The following FGF14 variants were observed in gnomAD, a reference collection of about 807,000 sequenced individuals.
FGF14 encodes fibroblast growth factor 14, also known as fibroblast growth factor homologous factor 4.
FGF14 carries 5 observed loss-of-function variants against 25.5 expected under a neutral mutation model. The ratio of observed to expected loss-of-function variants is 0.20; its 90% CI spans 0.10 to 0.41. FGF14 has a LOEUF of 0.41. Ranked by LOEUF, FGF14 falls within the 10% of genes least tolerant of loss-of-function variation. The pLI is 1.00. For synonymous variants in FGF14, 138 were observed against 118.3 expected (o/e 1.17, Z -1.08); for missense variants, 222 against 320.1 (o/e 0.69, Z 2.34).
chr13:102,264,086 G>A (rs2052858942), intron 1 of FGF14, among the ~76,000 whole-genome samples: 1 of 151,520 alleles, frequency 6.6e-6, no homozygotes, highest in Non-Finnish European at 1.5e-5. Flanking sequence ...TACTTCTGAG[G>A]TATAATAAAT....
chr13:101,850,398 G>A (rs2043707008), intron 3 of FGF14, among the ~76,000 whole-genome samples: 1 of 140,038 alleles, frequency 7.1e-6, no homozygotes, highest in Non-Finnish European at 1.5e-5. Context: ...AGGTTGCAGT[G>A]AGCTGAGATC....
intron 1 of FGF14, chr13:102,395,371 C>G (rs915269018): frequency 3.3e-5 from 5 of 152,134 alleles, no homozygotes; most frequent in Admixed American, 3.3e-4. Flanking sequence ...ATGGGGAGAA[C>G]GCCATGAGCT....
At chr13:101,853,512 G>A (rs2043964084) in intron 3 of FGF14, among the ~76,000 whole-genome samples, 1 of 151,988 alleles carries the variant, frequency 6.6e-6, no homozygotes, top group African/African-American at 2.4e-5. Context: ...GGGTGCAGTG[G>A]CATGATCATG....
intron 1 of FGF14, among the ~76,000 whole-genome samples, chr13:102,029,774 C>A: frequency 6.6e-6 from 1 of 152,106 alleles, no homozygotes; most frequent in East Asian, 1.9e-4. Context: ...GGAAACAGAA[C>A]TGATGTTTTC....
At chr13:102,285,777 A>G (rs549074725) in intron 1 of FGF14, among the ~76,000 whole-genome samples, 1 of 152,330 alleles carries the variant, frequency 6.6e-6, no homozygotes, top group East Asian at 1.9e-4. Flanking sequence ...TATTATTTTT[A>G]TTCCCATTTT....
chr13:102,128,874 G>C (rs1440742865), intron 1 of FGF14, among the ~76,000 whole-genome samples: 1 of 152,148 alleles, frequency 6.6e-6, no homozygotes, highest in Non-Finnish European at 1.5e-5. Context: ...CTTGAGGTCA[G>C]GAGTTCGAGA....
intron 1 of FGF14, among the ~76,000 whole-genome samples, chr13:102,175,093 A>T (rs2048392533): frequency 6.6e-6 from 1 of 152,194 alleles, no homozygotes; most frequent in South Asian, 2.1e-4. Flanking sequence ...TAGAAAAACA[A>T]TTCTAAAATT....
intron 1 of FGF14, among the ~76,000 whole-genome samples, chr13:102,092,666 G>T (rs1285574171): frequency 6.6e-6 from 1 of 152,088 alleles, no homozygotes; most frequent in Non-Finnish European, 1.5e-5. Flanking sequence ...TAACATGAAA[G>T]AAATAAAACT....
At position 101,765,718 on chromosome 13, in the gene FGF14, T is replaced by A. The variant is rs1454293789; in HGVS notation, c.409-38908A>T. On this transcript the variant is annotated intron_variant, in intron 3 of 4. Coordinates refer to ENST00000376143, the MANE Select transcript of FGF14 (RefSeq NM_004115.4). ...CTTTTATTTATTATTATTATTATTA[T>A]TTTATTTATTTATTTATTTATTTAT... Among the ~76,000 whole-genome samples, 4 of 143,320 alleles carry A rather than the reference T, an allele frequency of 2.8e-5. No individual in the cohort carries two copies. The East Asian group carries it at 8.8e-4, about 31-fold the overall frequency. 94.0% of individuals were successfully genotyped at this position (143,320 alleles called of 152,430 possible). A position where few individuals can be genotyped will look rare whatever the true frequency, so the allele number is the denominator to read the frequency against.
At chr13:101,949,450 C>A (rs1407782) in intron 1 of FGF14, among the ~76,000 whole-genome samples, 1 of 152,042 alleles carries the variant, frequency 6.6e-6, no homozygotes, top group Non-Finnish European at 1.5e-5. Context: ...AGGGGCTGAA[C>A]GAGTGGTTCT....
intron 1 of FGF14, among the ~76,000 whole-genome samples, chr13:102,005,780 T>C (rs1236564135): frequency 6.6e-6 from 1 of 152,200 alleles, no homozygotes; most frequent in Non-Finnish European, 1.5e-5. Flanking sequence ...CCTGATATAA[T>C]TTGTAATCTG....
At chr13:102,375,489 T>C (rs1310691289) in intron 1 of FGF14, among the ~76,000 whole-genome samples, 1 of 152,214 alleles carries the variant, frequency 6.6e-6, no homozygotes, top group African/African-American at 2.4e-5. Context: ...TTAATAACGT[T>C]GTAGAAGACT....
rs542658344 is a variant in FGF14, at chr13:101,993,558, C to T, written c.209-118262G>A. 2.6e-5 allele frequency among the ~76,000 whole-genome samples: 4 copies of T among 152,024 alleles called. No individual in the cohort carries two copies. In the South Asian group the frequency reaches 6.2e-4, roughly 24 times the overall value. On this transcript the variant is annotated intron_variant, in intron 1 of 4. Coordinates refer to the FGF14 transcript ENST00000376131. ...GAAATGTATGGCAGCAGTGTAATAG[C>T]GATGAGCAGGAGAGATTGGAAATAC...
intron 1 of FGF14, among the ~76,000 whole-genome samples, chr13:101,879,449 CACA>C (rs1442291211): frequency 6.6e-6 from 1 of 152,128 alleles, no homozygotes; most frequent in East Asian, 1.9e-4. Flanking sequence ...GGGAAAAATA[CACA>C]ACATTTTTAA....
chr13:101,815,306 G>C (rs995477741), intron 3 of FGF14, among the ~76,000 whole-genome samples: 5 of 152,138 alleles, frequency 3.3e-5, no homozygotes, highest in African/African-American at 4.8e-5. Context: ...GGAAAGGCAT[G>C]AAAGAGGTAA....
intron 1 of FGF14, among the ~76,000 whole-genome samples, chr13:102,222,187 T>C (rs2050642938): frequency 6.6e-6 from 1 of 152,200 alleles, no homozygotes; most frequent in Non-Finnish European, 1.5e-5. Context: ...GCTGAATTCA[T>C]CCACTGCTAT....
chr13:101,931,916 A>G (rs985238180), intron 1 of FGF14, among the ~76,000 whole-genome samples: 20 of 152,218 alleles, frequency 1.3e-4, no homozygotes, highest in African/African-American at 4.8e-4. Context: ...AGAGCTGCCT[A>G]TTGGAATCAA....
chr13:101,739,360 T>C (rs2036396609), intron 3 of FGF14, among the ~76,000 whole-genome samples: 1 of 152,062 alleles, frequency 6.6e-6, no homozygotes, highest in Non-Finnish European at 1.5e-5. Context: ...TTACCATTTT[T>C]TGAAGTGTAC....
intron 1 of FGF14, among the ~76,000 whole-genome samples, chr13:101,926,228 C>G (rs1384521147): frequency 3.9e-5 from 6 of 152,198 alleles, no homozygotes; most frequent in African/African-American, 9.7e-5. Context: ...AAACAGAATC[C>G]TTCCTAGCCT....
Sources: allele counts gnomAD v4.1 joint callset (sites outside exome capture counted in the v4.1 genomes callset), GRCh38; gene constraint gnomAD v4.1.1; transcripts MANE v1.5; gene names NCBI Gene and HGNC (gene_info 2026-07-23, HGNC 2026-07-21).